Variants in TMEM178B observed in about 807,000 individuals in gnomAD.
TMEM178B encodes transmembrane protein 178B.
TMEM178B carries 5 observed loss-of-function variants against 31.0 expected under a neutral mutation model. The observed-to-expected ratio is 0.16, with a 90% CI of 0.08 to 0.34. The LOEUF is 0.34. TMEM178B is among the 10% of genes least tolerant of loss of function. The pLI, the probability that TMEM178B is intolerant of heterozygous loss-of-function variation, is 1.00. For missense variants in TMEM178B, 275 were observed against 400.3 expected (o/e 0.69, Z 2.67); for synonymous variants, 164 against 164.0 (o/e 1.00, Z 0.00).
intron 1 of TMEM178B, among the ~76,000 whole-genome samples, chr7:141,142,050 C>T (rs10265928): frequency 0.058 from 8,754 of 152,114 alleles, 856 homozygotes; most frequent in African/African-American, 0.2. Flanking sequence ...GCATAGTATC[C>T]AATAATTATT....
At chr7:141,481,179 A>G (rs1169393920), downstream of TMEM178B, among the ~76,000 whole-genome samples, 1 of 152,200 alleles carries the variant, frequency 6.6e-6, no homozygotes, top group Non-Finnish European at 1.5e-5. Flanking sequence ...CTCCACCAGG[A>G]TGAATCCCCA....
At chr7:141,081,246 ATG>A (rs551158548) in intron 1 of TMEM178B, among the ~76,000 whole-genome samples, 7 of 151,564 alleles carry the variant, frequency 4.6e-5, no homozygotes, top group African/African-American at 1.4e-4. Context: ...GCTTAGGCTA[ATG>A]TGTGTGTGTG....
At chr7:141,300,129 A>G (rs1290449212) in intron 2 of TMEM178B, among the ~76,000 whole-genome samples, 1 of 152,046 alleles carries the variant, frequency 6.6e-6, no homozygotes, top group Non-Finnish European at 1.5e-5. Context: ...AACATATTTC[A>G]CACAAAAATT....
Position 141,088,949 on chromosome 7 carries a change from G to C in TMEM178B, c.382+14257G>C, listed in dbSNP as rs1214084616. ...GAAGTTATGAATCTTTTTAAAATGA[G>C]ATTTCCAGATCTAGTGCATTAACTG... On this transcript the variant is annotated intron_variant, in intron 1 of 3. Coordinates refer to ENST00000565468, the MANE Select transcript of TMEM178B (RefSeq NM_001195278.2). Among the ~76,000 whole-genome samples, 3 of 152,288 alleles carry C rather than the reference G, an allele frequency of 2.0e-5. No homozygotes were observed. In the East Asian group the frequency reaches 5.8e-4, roughly 29 times the overall value.
At chr7:141,120,941 G>C (rs1039721658) in intron 1 of TMEM178B, among the ~76,000 whole-genome samples, 1 of 151,444 alleles carries the variant, frequency 6.6e-6, no homozygotes, top group African/African-American at 2.4e-5. Context: ...CTCCAGACTG[G>C]GTGACAGAGC....
At chr7:141,424,380 C>T (rs949720094) in intron 2 of TMEM178B, among the ~76,000 whole-genome samples, 1 of 152,212 alleles carries the variant, frequency 6.6e-6, no homozygotes, top group Non-Finnish European at 1.5e-5. Flanking sequence ...CTCCACAGTA[C>T]ATGCGCACTG....
At chr7:141,192,079 A>G (rs1433119680) in intron 1 of TMEM178B, among the ~76,000 whole-genome samples, 2 of 152,236 alleles carry the variant, frequency 1.3e-5, no homozygotes, top group Non-Finnish European at 1.5e-5. Context: ...CATTTATTAA[A>G]TAAACCATCA....
intron 1 of TMEM178B, among the ~76,000 whole-genome samples, chr7:141,202,124 C>G (rs895320906): frequency 3.3e-5 from 5 of 152,160 alleles, no homozygotes; most frequent in Non-Finnish European, 7.3e-5. Context: ...TAAAACAGTT[C>G]TGTGCACAGT....
At chr7:141,366,022 C>T (rs1471442111) in intron 2 of TMEM178B, among the ~76,000 whole-genome samples, 1 of 152,188 alleles carries the variant, frequency 6.6e-6, no homozygotes, top group East Asian at 1.9e-4. Context: ...AGATCAAATG[C>T]AATAATGTTG....
chr7:141,455,850 T>C (rs1023832578), intron 3 of TMEM178B, among the ~76,000 whole-genome samples: 7 of 152,250 alleles, frequency 4.6e-5, no homozygotes, highest in Non-Finnish European at 1.0e-4. Context: ...GCTGGGCATA[T>C]GGAAACATAG....
chr7:141,487,125 C>T, the TMEM178B span, among the ~76,000 whole-genome samples: 1 of 152,174 alleles, frequency 6.6e-6, no homozygotes, highest in Non-Finnish European at 1.5e-5. Flanking sequence ...TTTACACAAA[C>T]TGTGGGACTC....
intron 2 of TMEM178B, among the ~76,000 whole-genome samples, chr7:141,436,157 A>T (rs575221139): frequency 1.3e-5 from 2 of 152,308 alleles, no homozygotes; most frequent in South Asian, 4.1e-4. Context: ...GGGGTTCCCC[A>T]TGGGGTGGCT....
At chr7:141,371,251 GGTAA>G (rs2116569250) in intron 2 of TMEM178B, among the ~76,000 whole-genome samples, 1 of 152,186 alleles carries the variant, frequency 6.6e-6, no homozygotes, top group East Asian at 1.9e-4. Context: ...CTTCCTTGGG[GGTAA>G]GTGAGTTCTC....
At chr7:141,262,474 AATAT>A (rs10570183) in intron 2 of TMEM178B, among the ~76,000 whole-genome samples, 48,783 of 131,456 alleles carry the variant, frequency 0.37, 9,845 homozygotes, top group East Asian at 0.65. Flanking sequence ...AAATACATAT[AATAT>A]ATATATATAT....
intron 1 of TMEM178B, among the ~76,000 whole-genome samples, chr7:141,084,535 G>T (rs1405326878): frequency 1.3e-5 from 2 of 152,184 alleles, no homozygotes; most frequent in Non-Finnish European, 2.9e-5. Context: ...TGGGAGCCTG[G>T]ATGGCTGGGC....
chr7:141,140,397 A>G (rs1795751090), intron 1 of TMEM178B, among the ~76,000 whole-genome samples: 1 of 152,146 alleles, frequency 6.6e-6, no homozygotes. Flanking sequence ...TTACTAATAG[A>G]CTTTATTTTT....
chr7:141,257,500 G>A (rs894639973), intron 2 of TMEM178B, among the ~76,000 whole-genome samples: 1 of 152,124 alleles, frequency 6.6e-6, no homozygotes, highest in Non-Finnish European at 1.5e-5. Flanking sequence ...TCCACAGTTC[G>A]CAGCTTTTTA....
chr7:141,179,927 C>T (rs116749475), intron 1 of TMEM178B, among the ~76,000 whole-genome samples: 256 of 152,306 alleles, frequency 1.7e-3, no homozygotes, highest in East Asian at 6.8e-3. Flanking sequence ...GTCCAAAGCT[C>T]CAACTGTCTA....
intron 2 of TMEM178B, among the ~76,000 whole-genome samples, chr7:141,408,420 G>C (rs1322344128): frequency 6.6e-6 from 1 of 152,172 alleles, no homozygotes; most frequent in Non-Finnish European, 1.5e-5. Flanking sequence ...GAGATTGCTT[G>C]GCCCCACCCC....
Sources: gnomAD v4.1 joint callset for allele counts (sites outside exome capture counted in the v4.1 genomes callset) on GRCh38, gnomAD v4.1.1 for gene constraint, MANE v1.5 for transcripts, NCBI Gene and HGNC (gene_info 2026-07-23, HGNC 2026-07-21) for gene names.